Variants in RERE observed in about 807,000 individuals in gnomAD.
The protein encoded by RERE is arginine-glutamic acid dipeptide repeats.
In RERE, 40 loss-of-function variants were observed where a neutral mutation model predicts 146.1. The ratio of observed to expected loss-of-function variants is 0.27; its 90% CI spans 0.21 to 0.36. RERE has a LOEUF of 0.36. RERE is among the 10% of genes least tolerant of loss of function. RERE has a pLI of 1.00. For synonymous variants in RERE, 1,003 were observed against 866.0 expected, an observed-to-expected ratio of 1.16 and a Z score of -2.78; for missense variants, 1,933 against 2,138.7, an observed-to-expected ratio of 0.90 and a Z score of 1.90.
intron 2 of RERE, among the ~76,000 whole-genome samples, chr1:8,631,612 CCAAG>C (rs1273991142): frequency 6.6e-6 from 1 of 152,080 alleles, no homozygotes; most frequent in African/African-American, 2.4e-5. Context: ...CTTATATTAC[CCAAG>C]CAAAGAACAC....
intron 12 of RERE, among the ~76,000 whole-genome samples, chr1:8,397,131 T>G (rs1284880895): frequency 6.6e-6 from 1 of 152,236 alleles, no homozygotes; most frequent in Non-Finnish European, 1.5e-5. Context: ...CTGGGTGCTC[T>G]GCAACCACAC....
At chr1:8,720,383 GA>G (rs1639839570) in intron 1 of RERE, among the ~76,000 whole-genome samples, 1 of 151,938 alleles carries the variant, frequency 6.6e-6, no homozygotes, top group Non-Finnish European at 1.5e-5. Context: ...ATAACCAACA[GA>G]TTTTTTTGTA....
In RERE at chr1:8,557,612, G is replaced by A. The variant is rs752593981; in HGVS notation, c.523-89C>T. On this transcript the variant is annotated intron_variant, in intron 4 of 22. Transcript: ENST00000400908. ...CCCATGACCAAAAGCCCCTGTAAAC[G>A]GGTGGACACGTAGATAGGGAGAGAC... The A allele has an allele frequency of 1.8e-4, 142 of 788,720 alleles. 1 individual carries two copies. Among genetic ancestry groups the A allele is most frequent in the Middle Eastern group, 8.9e-4 (4 of 4,488 alleles). The allele number at this position is 788,720 out of a possible 1,614,324, so 48.9% of individuals were successfully genotyped here.
At chr1:8,440,811 C>T (rs1644237446) in intron 11 of RERE, among the ~76,000 whole-genome samples, 4 of 151,164 alleles carry the variant, frequency 2.6e-5, no homozygotes, top group East Asian at 1.9e-4. Context: ...GCAGGAGAAT[C>T]GCTTGAACCC....
At chr1:8,723,841 C>G (rs543665188) in intron 1 of RERE, among the ~76,000 whole-genome samples, 1 of 152,322 alleles carries the variant, frequency 6.6e-6, no homozygotes, top group East Asian at 1.9e-4. Flanking sequence ...AACCTACTTT[C>G]TAGCTCTGAA....
intron 1 of RERE, among the ~76,000 whole-genome samples, chr1:8,726,147 C>CT (rs70985511): frequency 0.045 from 3,139 of 69,330 alleles, 143 homozygotes; most frequent in Middle Eastern, 0.065. Context: ...TTTTTCTTTT[C>CT]TTTTTTTTTT....
chr1:8,650,921 TTAAA>T (rs201047086), intron 2 of RERE, among the ~76,000 whole-genome samples: 29 of 144,426 alleles, frequency 2.0e-4, no homozygotes, highest in Middle Eastern at 3.7e-3. Context: ...TTAAATTAAA[TTAAA>T]TAAATAAATA....
intron 1 of RERE, among the ~76,000 whole-genome samples, chr1:8,791,701 A>AT (rs1641365669): frequency 1.3e-5 from 2 of 152,258 alleles, no homozygotes; most frequent in African/African-American, 4.8e-5. Flanking sequence ...TACGGGAAGC[A>AT]TGATTATTCT....
intron 4 of RERE, among the ~76,000 whole-genome samples, chr1:8,565,617 A>T (rs1233455104): frequency 6.6e-6 from 1 of 152,154 alleles, no homozygotes; most frequent in Non-Finnish European, 1.5e-5. Context: ...TGAGTGAGGC[A>T]GTAGAATGGC....
intron 8 of RERE, among the ~76,000 whole-genome samples, chr1:8,502,217 T>C: frequency 2.1e-5 from 2 of 93,644 alleles, no homozygotes; most frequent in African/African-American, 4.6e-5. Flanking sequence ...GGTGGGGGGA[T>C]CAGCCCCCCG....
At chr1:8,580,671 T>A (rs1646352915) in intron 4 of RERE, among the ~76,000 whole-genome samples, 1 of 152,102 alleles carries the variant, frequency 6.6e-6, no homozygotes, top group African/African-American at 2.4e-5. Flanking sequence ...ACTTTCCCAG[T>A]CAATCCTCAC....
intron 1 of RERE, among the ~76,000 whole-genome samples, chr1:8,680,763 T>G (rs1161339229): frequency 1.3e-5 from 2 of 152,002 alleles, no homozygotes; most frequent in Non-Finnish European, 2.9e-5. Context: ...CGTTTCAGAG[T>G]ATAATAAACC....
intron 11 of RERE, among the ~76,000 whole-genome samples, chr1:8,439,499 AC>A (rs1313440607): frequency 6.6e-6 from 1 of 152,222 alleles, no homozygotes; most frequent in Non-Finnish European, 1.5e-5. Flanking sequence ...AAAGAAACAA[AC>A]CAATCAATAA....
intron 12 of RERE, among the ~76,000 whole-genome samples, chr1:8,386,010 ATATATATATATATTTTTTTTTTTTT>A (rs1557603181): frequency 6.8e-5 from 3 of 44,072 alleles, no homozygotes; most frequent in African/African-American, 2.6e-4. Context: ...ATATATATAT[ATATATATATATATTTTTTTTTTTTT>A]TTTTTTTTTT....
intron 1 of RERE, among the ~76,000 whole-genome samples, chr1:8,813,220 GTGTA>G (rs1014009009): frequency 6.6e-6 from 1 of 152,194 alleles, no homozygotes; most frequent in Non-Finnish European, 1.5e-5. Flanking sequence ...TTCAGGATGT[GTGTA>G]TGTGTGTGTA....
intron 10 of RERE, among the ~76,000 whole-genome samples, chr1:8,480,486 A>C (rs1232373680): frequency 6.9e-6 from 1 of 145,432 alleles, no homozygotes; most frequent in Non-Finnish European, 1.5e-5. Context: ...CCCAGGCTGG[A>C]GTACAGTGGC....
intron 1 of RERE, among the ~76,000 whole-genome samples, chr1:8,691,458 T>A (rs2124418576): frequency 6.6e-6 from 1 of 152,212 alleles, no homozygotes; most frequent in African/African-American, 2.4e-5. Flanking sequence ...CTCAAATCAA[T>A]ATAAGTAAAG....
chr1:8,456,519 C>T (rs190003175), intron 11 of RERE, among the ~76,000 whole-genome samples: 1 of 152,284 alleles, frequency 6.6e-6, no homozygotes, highest in East Asian at 1.9e-4. Context: ...CAGAGTCCTA[C>T]ATAACTGAAG....
chr1:8,805,278 C>T (rs981861795), intron 1 of RERE, among the ~76,000 whole-genome samples: 6 of 151,958 alleles, frequency 3.9e-5, no homozygotes, highest in Admixed American at 3.3e-4. Flanking sequence ...TTTAGGAATC[C>T]GAGGTGGGCG....
Sources: gnomAD v4.1 joint callset for allele counts (sites outside exome capture counted in the v4.1 genomes callset) on GRCh38, gnomAD v4.1.1 for gene constraint, MANE v1.5 for transcripts, NCBI Gene and HGNC (gene_info 2026-07-23, HGNC 2026-07-21) for gene names.